Variants in GALNS observed in about 807,000 individuals in gnomAD.
The protein encoded by GALNS is N-acetylgalactosamine-6-sulfatase.
A neutral mutation model predicts 65.9 loss-of-function variants in GALNS; 65 were observed. That is an observed-to-expected ratio of 0.99 (90% confidence interval 0.81 to 1.21). GALNS has a LOEUF of 1.21. Among genes scored for constraint, GALNS ranks in the 50% most tolerant of loss-of-function variants. The pLI is 0.00. For missense variants in GALNS, 776 were observed against 700.7 expected, an observed-to-expected ratio of 1.11 and a Z score of -1.21; for synonymous variants, 346 against 288.9, an observed-to-expected ratio of 1.20 and a Z score of -2.00.
At chr16:88,833,988 C>T (rs1303554598) in intron 8 of GALNS, among the ~76,000 whole-genome samples, 1 of 152,056 alleles carries the variant, frequency 6.6e-6, no homozygotes. Context: ...CCCGGGCTCC[C>T]CATGGGGAAT....
intron 13 of GALNS, chr16:88,816,069 C>A (rs1243080447): frequency 1.0e-6 from 1 of 985,334 alleles, no homozygotes; most frequent in African/African-American, 1.7e-5. Context: ...GCTCTGCTCA[C>A]GGTGGCATCT....
chr16:88,842,794 G>A lies in GALNS; in HGVS notation c.156C>T (p.Pro52=). The A allele has an allele frequency of 1.2e-6, 2 of 1,613,428 alleles. No individual in the cohort carries two copies. Among genetic ancestry groups the A allele is most frequent in the South Asian group, 1.1e-5 (1 of 90,978 alleles). The change falls in exon 2 of 14, where the codon CCC becomes CCT. Residue 52 remains proline, a synonymous_variant. Transcript: ENST00000268695. ...GGTCCAAATTCGGGGTCTCTCTGGA[G>A]GGCTCTCCATACACCCCGAGGTCAC... is the stretch of plus-strand genomic sequence containing the variant. ...GWGDLGVYGE[P]SRETPNLDRM... is the part of the protein sequence containing the mutation.
chr16:88,816,443 C>G lies in GALNS; in HGVS notation c.1482+1564G>C, dbSNP rs531475115. 6 of 985,402 alleles carry G rather than the reference C, an allele frequency of 6.1e-6. No individual in the cohort carries two copies. The African/African-American group carries it at 1.0e-4, about 17-fold the overall frequency. The allele number at this position is 985,402 out of a possible 1,614,324, so 61.0% of individuals were successfully genotyped here. A position where few individuals can be genotyped will look rare whatever the true frequency, so the allele number is the denominator to read the frequency against. On this transcript the variant is annotated intron_variant, in intron 13 of 13. Coordinates refer to ENST00000268695, the MANE Select transcript of GALNS (RefSeq NM_000512.5). ...CCTGCTCCACCACTGAGTCCAGAGG[C>G]GGGGACGCCAGCTGCCCAGGTCCCT...
intron 9 of GALNS, among the ~76,000 whole-genome samples, chr16:88,830,202 G>C (rs1009978212): frequency 7.3e-6 from 1 of 136,182 alleles, no homozygotes; most frequent in Non-Finnish European, 1.5e-5. Context: ...CTGCACTCCA[G>C]CCTGGGCAAC....
chr16:88,829,015 C>G (rs9746515), intron 9 of GALNS, among the ~76,000 whole-genome samples: 2,122 of 52,422 alleles, frequency 0.04, 56 homozygotes, highest in East Asian at 0.1. Context: ...GTCTCCCAGA[C>G]CTACGCGGGT....
At chr16:88,846,447 G>C (rs1198896451) in intron 1 of GALNS, among the ~76,000 whole-genome samples, 2 of 151,686 alleles carry the variant, frequency 1.3e-5, no homozygotes, top group Non-Finnish European at 2.9e-5. Context: ...AGGGAGCGAG[G>C]TCCTGCCCAC....
chr16:88,830,982 G>T (rs1020322771), intron 9 of GALNS, among the ~76,000 whole-genome samples: 4 of 152,192 alleles, frequency 2.6e-5, no homozygotes, highest in African/African-American at 7.2e-5. Flanking sequence ...GCATGCTAAA[G>T]GCACTGATAA....
chr16:88,826,710 C>T lies in GALNS; in HGVS notation c.1131G>A (p.Leu377=), dbSNP rs1272317764. The T allele has an allele frequency of 3.7e-6, 6 of 1,612,416 alleles. No homozygotes were observed. The highest frequency in any genetic ancestry group is 5.1e-6 in the Non-Finnish European group (6 of 1,179,702). Residue 377 remains leucine (L), a synonymous_variant, in exon 10 of 14, where the codon CTG becomes CTA. Transcript: ENST00000268695. ...NLLPTLLQGR[L]MDRPIFYYRG... Reference sequence around the variant, plus strand: ...GCAGGTCTAGCACCAACCTGTCCATCAGCCGGCCCTGCAGGAGGGTGGGGA... The same window carrying T: ...GCAGGTCTAGCACCAACCTGTCCATTAGCCGGCCCTGCAGGAGGGTGGGGA...
intron 1 of GALNS, among the ~76,000 whole-genome samples, chr16:88,851,633 G>T (rs1967513513): frequency 6.6e-6 from 1 of 152,148 alleles, no homozygotes; most frequent in South Asian, 2.1e-4. Context: ...GACTGCACCT[G>T]GAAAATCAGG....
chr16:88,814,273 G>A lies in GALNS; in HGVS notation c.*166C>T. 1 of 932,100 alleles carries A rather than the reference G, an allele frequency of 1.1e-6. No individual in the cohort carries two copies. The highest frequency in any genetic ancestry group is 2.6e-5 in the East Asian group (1 of 37,764). 57.7% of individuals were successfully genotyped at this position (932,100 alleles called of 1,614,324 possible). A position where few individuals can be genotyped will look rare whatever the true frequency, so the allele number is the denominator to read the frequency against. On this transcript the variant is annotated 3_prime_UTR_variant, in exon 14 of 14. Coordinates refer to ENST00000268695, the MANE Select transcript of GALNS (RefSeq NM_000512.5). ...GAGGAGGAGGGCCAAGCACACGCCAGGGTCAGGTCCTGGGCAGGTGGAATT... is the reference window on the plus strand; with the variant it reads ...GAGGAGGAGGGCCAAGCACACGCCAAGGTCAGGTCCTGGGCAGGTGGAATT...
At chr16:88,847,712 C>T (rs1482776449) in intron 1 of GALNS, among the ~76,000 whole-genome samples, 1 of 152,218 alleles carries the variant, frequency 6.6e-6, no homozygotes, top group Non-Finnish European at 1.5e-5. Flanking sequence ...CCAAACAAAA[C>T]AAAACATTAA....
chr16:88,855,576 C>T (rs1792269002), intron 1 of GALNS: 3 of 685,782 alleles, frequency 4.4e-6, no homozygotes, highest in Non-Finnish European at 5.3e-6. Flanking sequence ...GGACTGTCGG[C>T]TGTCACCCCT....
At chr16:88,837,552 G>A (rs1912266274) in intron 5 of GALNS, 70 bp downstream of exon 5, 6 of 1,521,740 alleles carry the variant, frequency 3.9e-6, no homozygotes, top group Non-Finnish European at 5.4e-6. Flanking sequence ...ACCAGTGCTA[G>A]AGGCGGGGGG....
At chr16:88,831,224 G>A (rs867939989) in intron 9 of GALNS, among the ~76,000 whole-genome samples, 2 of 151,756 alleles carry the variant, frequency 1.3e-5, no homozygotes, top group East Asian at 1.9e-4. Flanking sequence ...CGGTGAGGCC[G>A]AGCACGGGGT....
intron 1 of GALNS, among the ~76,000 whole-genome samples, chr16:88,847,618 G>A (rs1210725475): frequency 2.6e-5 from 4 of 152,230 alleles, no homozygotes; most frequent in East Asian, 1.9e-4. Flanking sequence ...TCCAAGAGCC[G>A]GAGAGAGGCT....
In GALNS at chr16:88,824,809, A is replaced by T; in HGVS notation, c.1200T>A (p.Ala400=). Residue 400 remains alanine (A), a synonymous_variant, in exon 11 of 14, where the codon GCT becomes GCA. Transcript: ENST00000268695. ...AGGAGTTGGTCCAGGTCCAGAAGTG[A>T]GCCTTGTGCTGCCCGAGGGTGGCCG... ...LMAATLGQHK[A]HFWTWTNSWE... is the part of the protein sequence containing the mutation. 1 of 1,613,370 alleles carries T rather than the reference A, an allele frequency of 6.2e-7. No individual in the cohort carries two copies. Among genetic ancestry groups the T allele is most frequent in the Non-Finnish European group, 8.5e-7 (1 of 1,179,996 alleles).
intron 1 of GALNS, chr16:88,844,627 A>G (rs1435965747): frequency 6.6e-6 from 1 of 152,340 alleles, no homozygotes; most frequent in Non-Finnish European, 1.5e-5. Context: ...GGCCGCCTTC[A>G]GCAGCTTCGG....
chr16:88,830,602 G>A (rs1911400487), intron 9 of GALNS, among the ~76,000 whole-genome samples: 1 of 152,224 alleles, frequency 6.6e-6, no homozygotes, highest in Admixed American at 6.5e-5. Context: ...ACCAGACTCA[G>A]CCCCGCGTGT....
rs1967007062 is a variant in GALNS at position 88,842,182 on chromosome 16, G to T, written c.245-211C>A. Reference sequence around the variant, plus strand: ...TCCACTGAAAGACGCGTGGCCCTTGGGCCCTGCAGCTCAGCGTTGTCCCCA... The same window carrying T: ...TCCACTGAAAGACGCGTGGCCCTTGTGCCCTGCAGCTCAGCGTTGTCCCCA... On this transcript the variant is annotated intron_variant, in intron 2 of 13. Transcript: ENST00000268695. 1.2e-5 allele frequency: 8 copies of T among 657,056 alleles called. 1 individual carries two copies. In the South Asian group the frequency reaches 1.3e-4, roughly 11 times the overall value. The allele number at this position is 657,056 out of a possible 1,614,324, so 40.7% of individuals were successfully genotyped here. A position where few individuals can be genotyped will look rare whatever the true frequency, so the allele number is the denominator to read the frequency against.
Sources: gnomAD v4.1 joint callset for allele counts (sites outside exome capture counted in the v4.1 genomes callset) on GRCh38, gnomAD v4.1.1 for gene constraint, MANE v1.5 for transcripts, NCBI Gene and HGNC (gene_info 2026-07-23, HGNC 2026-07-21) for gene names.